Variants in NFIA observed in about 807,000 individuals in gnomAD.
NFIA encodes nuclear factor 1 A-type.
Under a neutral mutation model 62.8 loss-of-function variants are expected in NFIA, and 8 were observed. The observed-to-expected ratio is 0.13, with a 90% confidence interval of 0.07 to 0.23. The LOEUF is 0.23. Among genes scored for constraint, NFIA ranks in the 10% least tolerant of loss-of-function variants. NFIA has a pLI of 1.00. For missense variants in NFIA, 410 were observed against 642.1 expected, an observed-to-expected ratio of 0.64 and a Z score of 3.91; for synonymous variants, 235 against 238.1, an observed-to-expected ratio of 0.99 and a Z score of 0.12.
At chr1:61,316,744 C>T (rs1018765168) in intron 3 of NFIA, among the ~76,000 whole-genome samples, 1 of 152,172 alleles carries the variant, frequency 6.6e-6, no homozygotes, top group African/African-American at 2.4e-5. Flanking sequence ...TCATAAAGTG[C>T]TTCAATGATC....
intron 10 of NFIA, among the ~76,000 whole-genome samples, chr1:61,442,248 C>G (rs1667618910): frequency 6.6e-6 from 1 of 152,074 alleles, no homozygotes; most frequent in Non-Finnish European, 1.5e-5. Context: ...CTCTTCATCC[C>G]ACACCTTCCA....
chr1:61,335,310 A>G (rs910132046), intron 4 of NFIA, among the ~76,000 whole-genome samples: 5 of 152,102 alleles, frequency 3.3e-5, no homozygotes, highest in African/African-American at 1.2e-4. Flanking sequence ...TATATTTCAC[A>G]AGATTACCTT....
intron 10 of NFIA, among the ~76,000 whole-genome samples, chr1:61,439,049 T>C (rs79967457): frequency 0.073 from 10,869 of 149,570 alleles, 1,132 homozygotes; most frequent in African/African-American, 0.23. Flanking sequence ...ACCTGCTACA[T>C]ATGCGTCCAT....
Position 61,203,127 on chromosome 1 carries a change from T to C in NFIA, c.560-74393T>C, listed in dbSNP as rs151203536. On this transcript the variant is annotated intron_variant, in intron 2 of 10. Transcript: ENST00000403491. ...TCTGTTGGTGCGAGAGCTTAACCTT[T>C]ATTTTATTTCCAAATGTGTTTTTTA... Among the ~76,000 whole-genome samples the C allele has an allele frequency of 5.6e-3, 848 of 152,342 alleles. 5 individuals are homozygous for C. Among genetic ancestry groups the C allele is most frequent in the African/African-American group, 0.019 (798 of 41,582 alleles).
chr1:61,298,824 A>C (rs1465435068), intron 3 of NFIA, among the ~76,000 whole-genome samples: 1 of 152,184 alleles, frequency 6.6e-6, no homozygotes, highest in Non-Finnish European at 1.5e-5. Context: ...GCCCATCTTC[A>C]TTGAACTGGA....
At chr1:61,447,492 C>T (rs891018072) in intron 10 of NFIA, among the ~76,000 whole-genome samples, 6 of 152,084 alleles carry the variant, frequency 3.9e-5, no homozygotes, top group East Asian at 3.9e-4. Flanking sequence ...AAAATAAAGC[C>T]GCGAAACCCC....
chr1:61,197,234 CTTT>C (rs1002158986), intron 2 of NFIA, among the ~76,000 whole-genome samples: 5 of 93,382 alleles, frequency 5.4e-5, no homozygotes, highest in Admixed American at 1.2e-4. Context: ...TACTCTGGTT[CTTT>C]TTTTTTTTTT....
chr1:61,264,449 GCCTAGCCAA>G (rs1406279922), intron 2 of NFIA, among the ~76,000 whole-genome samples: 1 of 151,730 alleles, frequency 6.6e-6, no homozygotes, highest in African/African-American at 2.4e-5. Context: ...TTCAGGACCA[GCCTAGCCAA>G]CATGGTGAAA....
upstream of NFIA, chr1:61,082,382 C>T (rs1646114979): frequency 4.3e-6 from 3 of 694,308 alleles, no homozygotes; most frequent in African/African-American, 5.9e-5. Context: ...CTCCCCCCCG[C>T]GGCGGCGGCG....
At chr1:61,143,706 T>G (rs2100510173) in intron 2 of NFIA, among the ~76,000 whole-genome samples, 1 of 152,314 alleles carries the variant, frequency 6.6e-6, no homozygotes, top group South Asian at 2.1e-4. Flanking sequence ...ATGTTATTTC[T>G]GATCCACTAG....
At chr1:61,422,779 A>T (rs1261790427) in intron 9 of NFIA, among the ~76,000 whole-genome samples, 2 of 149,482 alleles carry the variant, frequency 1.3e-5, no homozygotes, top group Non-Finnish European at 3.0e-5. Context: ...GTACTGATGG[A>T]TGATTCCCCT....
chr1:61,445,514 T>C (rs953547018), intron 10 of NFIA, among the ~76,000 whole-genome samples: 1 of 152,224 alleles, frequency 6.6e-6, no homozygotes, highest in Non-Finnish European at 1.5e-5. Flanking sequence ...AACTCTCCCA[T>C]GTGGGTTTGT....
chr1:61,255,848 T>C (rs577220834), intron 2 of NFIA, among the ~76,000 whole-genome samples: 2 of 152,316 alleles, frequency 1.3e-5, no homozygotes, highest in East Asian at 1.9e-4. Context: ...TTCGGTACTT[T>C]GTTGTATAAT....
rs149561818 is a variant in NFIA, at chr1:61,323,622, A to C, written c.626-8890A>C. 1.1e-3 allele frequency among the ~76,000 whole-genome samples: 168 copies of C among 152,332 alleles called. 1 individual carries two copies. The highest frequency in any genetic ancestry group is 6.8e-3 in the Middle Eastern group (2 of 294). ...TCACTATACAGTCAGAAATCAGACCAGAAATTTAAAATTTGGCATTAATGG... is the reference window on the plus strand; with the variant it reads ...TCACTATACAGTCAGAAATCAGACCCGAAATTTAAAATTTGGCATTAATGG... On this transcript the variant is annotated intron_variant, in intron 3 of 10. Transcript: ENST00000403491.
chr1:61,442,585 C>T (rs1216641864), intron 10 of NFIA, among the ~76,000 whole-genome samples: 2 of 147,084 alleles, frequency 1.4e-5, no homozygotes, highest in African/African-American at 2.5e-5. Context: ...AAAAAAGTAA[C>T]ATTAGCAGTT....
chr1:61,414,742 GA>G (rs1043218718), intron 9 of NFIA, among the ~76,000 whole-genome samples: 2 of 151,360 alleles, frequency 1.3e-5, no homozygotes, highest in Admixed American at 1.3e-4. Flanking sequence ...AAGAAAGAAT[GA>G]AAAAAAAGGA....
chr1:61,263,871 T>G (rs1362343966), intron 2 of NFIA, among the ~76,000 whole-genome samples: 1 of 151,762 alleles, frequency 6.6e-6, no homozygotes, highest in Non-Finnish European at 1.5e-5. Context: ...GCACCTGGAG[T>G]CCCAGCTACT....
chr1:61,367,512 T>C (rs376281153), intron 6 of NFIA, among the ~76,000 whole-genome samples: 4 of 152,202 alleles, frequency 2.6e-5, no homozygotes, highest in Non-Finnish European at 5.9e-5. Context: ...TATGATCTCA[T>C]ATTGGCACCT....
chr1:61,275,149 G>C (rs1657733837), intron 2 of NFIA, among the ~76,000 whole-genome samples: 2 of 152,150 alleles, frequency 1.3e-5, no homozygotes, highest in Non-Finnish European at 2.9e-5. Flanking sequence ...TTGTATCTGA[G>C]CTTTCACGAG....
Sources: gnomAD v4.1 joint callset for allele counts (sites outside exome capture counted in the v4.1 genomes callset) on GRCh38, gnomAD v4.1.1 for gene constraint, MANE v1.5 for transcripts, NCBI Gene and HGNC (gene_info 2026-07-23, HGNC 2026-07-21) for gene names.